Variants in CDH13 observed in about 807,000 individuals in gnomAD.
The protein encoded by CDH13 is cadherin 13.
Under a neutral mutation model 63.8 loss-of-function variants are expected in CDH13, and 24 were observed. The observed-to-expected ratio is 0.38, with a 90% CI of 0.27 to 0.53. The LOEUF is 0.53. Among genes scored for constraint, CDH13 ranks in the 20% least tolerant of loss-of-function variants. The pLI, the probability that CDH13 is intolerant of heterozygous loss-of-function variation, is 0.85. For synonymous variants in CDH13, 503 were observed against 355.3 expected, an observed-to-expected ratio of 1.42 and a Z score of -4.67; for missense variants, 1,049 against 903.1, an observed-to-expected ratio of 1.16 and a Z score of -2.07.
At chr16:83,273,503 A>T (rs954514462) in intron 5 of CDH13, among the ~76,000 whole-genome samples, 1 of 152,152 alleles carries the variant, frequency 6.6e-6, no homozygotes, top group Non-Finnish European at 1.5e-5. Context: ...GGATAAAGAA[A>T]ATGTGGTACA....
intron 5 of CDH13, among the ~76,000 whole-genome samples, chr16:83,227,764 G>A (rs974178372): frequency 9.9e-5 from 15 of 152,132 alleles, no homozygotes; most frequent in Non-Finnish European, 1.8e-4. Flanking sequence ...TAGAGCCAGC[G>A]TCCACGCCAG....
intron 5 of CDH13, among the ~76,000 whole-genome samples, chr16:83,262,379 G>A (rs1413978573): frequency 1.3e-5 from 2 of 152,168 alleles, no homozygotes; most frequent in Non-Finnish European, 2.9e-5. Context: ...TTTCCATGCT[G>A]TCTCACCTGA....
intron 3 of CDH13, among the ~76,000 whole-genome samples, chr16:83,065,319 T>A (rs74030386): frequency 0.012 from 1,809 of 151,972 alleles, 43 homozygotes; most frequent in African/African-American, 0.042. Context: ...AAGAAGTGAG[T>A]TGATCAGCTA....
chr16:82,806,033 G>A (rs901128112), intron 1 of CDH13, among the ~76,000 whole-genome samples: 2 of 152,148 alleles, frequency 1.3e-5, no homozygotes, highest in African/African-American at 4.8e-5. Context: ...TGGCAGGTGG[G>A]AGGCACTCTG....
At chr16:83,151,002 C>A (rs894079521) in intron 4 of CDH13, among the ~76,000 whole-genome samples, 4 of 152,132 alleles carry the variant, frequency 2.6e-5, no homozygotes, top group African/African-American at 9.7e-5. Context: ...TATTATTCAT[C>A]TTTATGTGAA....
chr16:83,508,059 G>GGAAGGAAGGAAGGAAA (rs1567722121), intron 7 of CDH13, among the ~76,000 whole-genome samples: 813 of 20,726 alleles, frequency 0.039, 5 homozygotes, highest in East Asian at 0.19. Flanking sequence ...AAGAGAAGAA[G>GGAAGGAAGGAAGGAAA]GAAGGAAGGA....
At chr16:82,852,379 C>T (rs2039526646) in intron 1 of CDH13, among the ~76,000 whole-genome samples, 1 of 152,198 alleles carries the variant, frequency 6.6e-6, no homozygotes, top group Admixed American at 6.5e-5. Context: ...GAGTAACTGT[C>T]TTCTGTGCAA....
intron 1 of CDH13, among the ~76,000 whole-genome samples, chr16:82,726,062 T>A (rs1351593137): frequency 6.6e-6 from 1 of 152,060 alleles, no homozygotes; most frequent in Non-Finnish European, 1.5e-5. Context: ...TGGTACAGGG[T>A]TTCATTAATC....
At chr16:82,687,457 C>G (rs765279894) in intron 1 of CDH13, among the ~76,000 whole-genome samples, 15 of 152,064 alleles carry the variant, frequency 9.9e-5, no homozygotes, top group Non-Finnish European at 1.9e-4. Flanking sequence ...ACTTACAGTT[C>G]CACATGGCTG....
intron 3 of CDH13, among the ~76,000 whole-genome samples, chr16:83,060,920 A>C (rs1162835607): frequency 6.6e-6 from 1 of 151,922 alleles, no homozygotes; most frequent in Admixed American, 6.6e-5. Context: ...ATTTTCTCTC[A>C]CCTGAAAGCA....
At chr16:83,762,576 G>C (rs1914063098) in intron 11 of CDH13, among the ~76,000 whole-genome samples, 1 of 152,130 alleles carries the variant, frequency 6.6e-6, no homozygotes, top group Non-Finnish European at 1.5e-5. Context: ...TAGTCGCCCT[G>C]TCTTATGTGG....
chr16:82,722,274 G>A (rs1010319457), intron 1 of CDH13, among the ~76,000 whole-genome samples: 29 of 152,130 alleles, frequency 1.9e-4, no homozygotes, highest in African/African-American at 6.8e-4. Flanking sequence ...ACAGGGGCTT[G>A]AATCTTGTTA....
chr16:83,284,506 A>G (rs1424219349), intron 5 of CDH13, among the ~76,000 whole-genome samples: 1 of 152,200 alleles, frequency 6.6e-6, no homozygotes, highest in Non-Finnish European at 1.5e-5. Flanking sequence ...TTAGATTAAG[A>G]TTAAAGAGTA....
intron 3 of CDH13, among the ~76,000 whole-genome samples, chr16:83,121,349 G>A (rs555567313): frequency 1.3e-5 from 2 of 152,274 alleles, no homozygotes; most frequent in Admixed American, 1.3e-4. Flanking sequence ...CTCTCTGCTA[G>A]CTAGGTAAAT....
intron 7 of CDH13, among the ~76,000 whole-genome samples, chr16:83,521,197 C>T (rs879642861): frequency 1.5e-4 from 23 of 152,282 alleles, no homozygotes; most frequent in Non-Finnish European, 3.1e-4. Flanking sequence ...TACTGCCTTG[C>T]GTGTTAGCTC....
chr16:82,635,639 G>T (rs1342689451), intron 1 of CDH13, among the ~76,000 whole-genome samples: 2 of 152,308 alleles, frequency 1.3e-5, no homozygotes, highest in African/African-American at 2.4e-5. Flanking sequence ...GAAAGGAAAG[G>T]CCAGTCTAGG....
At chr16:83,435,253 A>C (rs1204532887) in intron 6 of CDH13, among the ~76,000 whole-genome samples, 1 of 152,098 alleles carries the variant, frequency 6.6e-6, no homozygotes, top group Admixed American at 6.6e-5. Context: ...CTTGTTGGCC[A>C]GGCTTGTCTC....
At chr16:83,538,690 G>C (rs2075242378) in intron 7 of CDH13, among the ~76,000 whole-genome samples, 1 of 152,162 alleles carries the variant, frequency 6.6e-6, no homozygotes, top group Non-Finnish European at 1.5e-5. Flanking sequence ...GGCACAGAAA[G>C]AAAGGCATAG....
At chr16:83,256,060 G>T (rs1406434132) in intron 5 of CDH13, among the ~76,000 whole-genome samples, 1 of 152,074 alleles carries the variant, frequency 6.6e-6, no homozygotes, top group Non-Finnish European at 1.5e-5. Context: ...TTGAGACAGG[G>T]TCTCATTTTG....
Sources: gnomAD v4.1 joint callset for allele counts (sites outside exome capture counted in the v4.1 genomes callset) on GRCh38, gnomAD v4.1.1 for gene constraint, MANE v1.5 for transcripts, NCBI Gene and HGNC (gene_info 2026-07-23, HGNC 2026-07-21) for gene names.